The following CEP97 variants were observed in gnomAD, a reference collection of about 807,000 sequenced individuals.
The protein encoded by CEP97 is centrosomal protein of 97 kDa.
A neutral mutation model predicts 73.1 loss-of-function variants in CEP97; 43 were observed. The observed-to-expected ratio is 0.59, with a 90% CI of 0.46 to 0.76. CEP97 has a LOEUF of 0.76. Ranked by LOEUF, CEP97 falls within the 30% of genes least tolerant of loss-of-function variation. CEP97 has a pLI of 0.00. For synonymous variants in CEP97, 337 were observed against 370.0 expected (o/e 0.91, Z 1.02); for missense variants, 939 against 1,014.0 (o/e 0.93, Z 1.00).
In CEP97 at chr3:101,766,702, A is replaced by G. The variant is rs1226057960; in HGVS notation, c.*1151A>G. On this transcript the variant is annotated 3_prime_UTR_variant, in exon 11 of 11. Transcript: ENST00000341893. Reference sequence around the variant, plus strand: ...AAATAAGATTGTGTTTGAATATTGTAGGTAGATGCATTTGTAATTAAGGAT... The same window carrying G: ...AAATAAGATTGTGTTTGAATATTGTGGGTAGATGCATTTGTAATTAAGGAT... The G allele has an allele frequency of 6.6e-6, 1 of 152,432 alleles. No homozygotes were observed. Among genetic ancestry groups the G allele is most frequent in the Non-Finnish European group, 1.5e-5 (1 of 68,014 alleles). The allele number at this position is 152,432 out of a possible 1,614,324, so 9.4% of individuals were successfully genotyped here. A position where few individuals can be genotyped will look rare whatever the true frequency, so the allele number is the denominator to read the frequency against.
chr3:101,752,563 G>C (rs1039119481), intron 6 of CEP97, among the ~76,000 whole-genome samples: 2 of 152,106 alleles, frequency 1.3e-5, no homozygotes, highest in African/African-American at 2.4e-5. Flanking sequence ...TTTTCACATA[G>C]TCCCTATTTC....
chr3:101,751,039 T>C (rs1560016736), intron 6 of CEP97, among the ~76,000 whole-genome samples: 5 of 152,252 alleles, frequency 3.3e-5, no homozygotes, highest in Non-Finnish European at 7.3e-5. Context: ...TGCTTTCTCT[T>C]GTGGGCATTT....
chr3:101,737,920 T>C (rs1378218669), intron 6 of CEP97, among the ~76,000 whole-genome samples: 1 of 150,532 alleles, frequency 6.6e-6, no homozygotes, highest in African/African-American at 2.5e-5. Flanking sequence ...TCAAGAACCA[T>C]TGGTGTGCTG....
At chr3:101,751,453 A>G (rs1398539372) in intron 6 of CEP97, among the ~76,000 whole-genome samples, 2 of 152,202 alleles carry the variant, frequency 1.3e-5, no homozygotes, top group African/African-American at 4.8e-5. Context: ...GCTGAGTTCA[A>G]TTCCTGGGTA....
In CEP97 at chr3:101,770,089, A is replaced by T. The variant is rs958816184; in HGVS notation, c.*4538A>T. 2 of 152,056 alleles carry T rather than the reference A, an allele frequency of 1.3e-5. No individual in the cohort carries two copies. The highest frequency in any genetic ancestry group is 2.9e-5 in the Non-Finnish European group (2 of 68,114). The allele number at this position is 152,056 out of a possible 1,614,324, so 9.4% of individuals were successfully genotyped here. ...CACCAGGCTGGAGTGCAGTGGCGTG[A>T]TCTCGGCTCACTGCAACCTCCATCT... On this transcript the variant is annotated 3_prime_UTR_variant, in exon 11 of 11. Coordinates refer to ENST00000341893, the MANE Select transcript of CEP97 (RefSeq NM_024548.4).
chr3:101,735,360 T>C (rs547631857), intron 6 of CEP97, among the ~76,000 whole-genome samples: 1 of 152,286 alleles, frequency 6.6e-6, no homozygotes, highest in Admixed American at 6.5e-5. Flanking sequence ...AGCCTCTCTC[T>C]CTGGGGTTGT....
At chr3:101,747,728 GTTGTT>G (rs1441451422) in intron 6 of CEP97, among the ~76,000 whole-genome samples, 1 of 151,206 alleles carries the variant, frequency 6.6e-6, no homozygotes, top group African/African-American at 2.4e-5. Context: ...GACAGAGCAG[GTTGTT>G]TTAAGTTCCC....
chr3:101,755,404 C>T lies in CEP97; in HGVS notation c.729-26C>T, dbSNP rs1356382206. ...GTGTTGACTATTCTCATGCCATCTC[C>T]TCTTTTTTATGTTCCCCAATTCCAG... On this transcript the variant is annotated intron_variant, in intron 6 of 10. Transcript: ENST00000341893. 1.9e-6 allele frequency: 3 copies of T among 1,609,654 alleles called. No homozygotes were observed. In the East Asian group the frequency reaches 6.7e-5, roughly 36 times the overall value.
Position 101,757,623 on chromosome 3 carries a change from G to A in CEP97, c.1028-11G>A. On this transcript the variant is annotated splice_polypyrimidine_tract_variant and intron_variant, in intron 8 of 10. Coordinates refer to ENST00000341893, the MANE Select transcript of CEP97 (RefSeq NM_024548.4). ...TTAGTGGTTTAAATGATACTCTGTTGATTCTTCTAGAACCCGTCATTCAAG... is the reference window on the plus strand; with the variant it reads ...TTAGTGGTTTAAATGATACTCTGTTAATTCTTCTAGAACCCGTCATTCAAG... 1 of 1,603,764 alleles carries A rather than the reference G, an allele frequency of 6.2e-7. No homozygotes were observed. The highest frequency in any genetic ancestry group is 8.5e-7 in the Non-Finnish European group (1 of 1,172,896).
Position 101,765,083 on chromosome 3 carries a change from A to G in CEP97, c.2130A>G (p.Gln710=). 1 of 1,614,218 alleles carries G rather than the reference A, an allele frequency of 6.2e-7. No homozygotes were observed. Among genetic ancestry groups the G allele is most frequent in the African/African-American group, 1.3e-5 (1 of 75,072 alleles). ...DSGFHSSLTE[Q]VHSLQHSLDF... is the part of the protein sequence containing the mutation. Reference sequence around the variant, plus strand: ...GTTTTCATTCCTCTCTAACAGAACAAGTTCATTCATTGCAGCATTCTTTGG... The same window carrying G: ...GTTTTCATTCCTCTCTAACAGAACAGGTTCATTCATTGCAGCATTCTTTGG... Residue 710 remains glutamine (Q), a synonymous_variant, in exon 11 of 11, where the codon CAA becomes CAG. Coordinates refer to ENST00000341893, the MANE Select transcript of CEP97 (RefSeq NM_024548.4).
At chr3:101,753,383 C>T (rs1043130569) in intron 6 of CEP97, among the ~76,000 whole-genome samples, 12 of 152,302 alleles carry the variant, frequency 7.9e-5, no homozygotes, top group East Asian at 3.9e-4. Context: ...GCAGTCTGCC[C>T]GTTCTCAGAT....
At chr3:101,754,623 G>GA (rs1480433658) in intron 6 of CEP97, among the ~76,000 whole-genome samples, 1 of 152,146 alleles carries the variant, frequency 6.6e-6, no homozygotes, top group Non-Finnish European at 1.5e-5. Flanking sequence ...AGAGTCATCC[G>GA]AAGGCTTAAC....
In CEP97 at chr3:101,761,382, G is replaced by A. The variant is rs144734610; in HGVS notation, c.1818-1103G>A. 3.6e-4 allele frequency among the ~76,000 whole-genome samples: 55 copies of A among 152,288 alleles called. 1 individual carries two copies. The East Asian group carries it at 7.7e-3, about 21-fold the overall frequency. ...ACTATGAGAATGGGTGACTGACATG[G>A]GGTGGATTATTGTTAGAGCATCCAT... On this transcript the variant is annotated intron_variant, in intron 9 of 10. Transcript: ENST00000341893.
At chr3:101,724,993 G>A (rs1034472140) in intron 1 of CEP97, among the ~76,000 whole-genome samples, 2 of 152,240 alleles carry the variant, frequency 1.3e-5, no homozygotes, top group Non-Finnish European at 2.9e-5. Context: ...CGATGCTGAG[G>A]AGGCGGTGGA....
intron 9 of CEP97, among the ~76,000 whole-genome samples, chr3:101,760,522 G>A (rs1939142581): frequency 6.6e-6 from 1 of 152,024 alleles, no homozygotes; most frequent in Non-Finnish European, 1.5e-5. Context: ...ATTTGAGAGG[G>A]AGTAATAATG....
rs536437683 is a variant in CEP97 at position 101,765,039 on chromosome 3, C to T, written c.2086C>T (p.Pro696Ser). Residue 696 changes from proline to serine, a missense_variant, in exon 11 of 11, where the codon CCA (proline) becomes TCA (serine). By Grantham distance (74) the Pro-to-Ser change is moderately conservative. Transcript: ENST00000341893. Reference sequence around the variant, plus strand: ...TGTAGCTCCTCAAGAGAAATCATTACCAGAATTTCCAGACTCTGGTTTTCA... The same window carrying T: ...TGTAGCTCCTCAAGAGAAATCATTATCAGAATTTCCAGACTCTGGTTTTCA... ...SDVAPQEKSL[P>S]EFPDSGFHSS... The T allele has an allele frequency of 6.2e-7, 1 of 1,614,128 alleles. No individual in the cohort carries two copies. The highest frequency in any genetic ancestry group is 8.5e-7 in the Non-Finnish European group (1 of 1,180,016).
At chr3:101,748,726 C>T (rs990201508) in intron 6 of CEP97, among the ~76,000 whole-genome samples, 8 of 152,136 alleles carry the variant, frequency 5.3e-5, no homozygotes, top group African/African-American at 1.4e-4. Flanking sequence ...CTGCAAGCTC[C>T]GCCTCCTGGG....
chr3:101,758,417 TAAG>T lies in CEP97; in HGVS notation c.1812_1814del (p.Ile604_Arg605delinsMet), dbSNP rs767556850. 1.9e-6 allele frequency: 3 copies of T among 1,613,910 alleles called. No individual in the cohort carries two copies. Among genetic ancestry groups the T allele is most frequent in the Non-Finnish European group, 2.5e-6 (3 of 1,180,018 alleles). ...CACATTGTCTGCTTAACTGATGAAA[TAAG>T]GAGGTGGGTCAGAAGTCCTTTTGAT... On this transcript the variant is annotated inframe_deletion, in exon 9 of 11. Transcript: ENST00000341893.
In CEP97 at chr3:101,758,093, A is replaced by T. The variant is rs546587338; in HGVS notation, c.1487A>T (p.Asp496Val). The T allele has an allele frequency of 2.2e-4, 360 of 1,614,234 alleles. 3 individuals are homozygous for T. In the South Asian group the frequency reaches 2.5e-3, roughly 11 times the overall value. Reference protein sequence around the residue: ...EPTIISAILKDDNHSLTFFPE... With the variant: ...EPTIISAILKVDNHSLTFFPE... ...ACAATAATCAGTGCTATCTTGAAGG[A>T]TGATAACCACAGTCTTACATTTTTT... The change falls in exon 9 of 11, where the codon GAT becomes GTT. Residue 496 changes from aspartate to valine, a missense_variant. Transcript: ENST00000341893.
Sources: gnomAD v4.1 joint callset for allele counts (sites outside exome capture counted in the v4.1 genomes callset) on GRCh38, gnomAD v4.1.1 for gene constraint, MANE v1.5 for transcripts, NCBI Gene and HGNC (gene_info 2026-07-23, HGNC 2026-07-21) for gene names.